NHS: variants seen among roughly 807,000 people sequenced by gnomAD.
NHS encodes NHS actin remodeling regulator.
In NHS, 5 loss-of-function variants were observed where a neutral mutation model predicts 72.5. The observed-to-expected ratio is 0.07, with a 90% confidence interval of 0.04 to 0.14. The LOEUF is 0.14. Ranked by LOEUF, NHS falls within the 10% of genes least tolerant of loss-of-function variation. NHS has a pLI of 1.00. For missense variants in NHS, 1,072 were observed against 1,355.7 expected (o/e 0.79, Z 3.29); for synonymous variants, 464 against 547.7 (o/e 0.85, Z 2.13).
intron 1 of NHS, among the ~76,000 whole-genome samples, chrX:17,391,327 G>A (rs1041068021): frequency 9.0e-6 from 1 of 111,412 alleles, no homozygotes; most frequent in African/African-American, 3.3e-5. Flanking sequence ...GTGTGACCTT[G>A]GACAAATTCT....
intron 1 of NHS, among the ~76,000 whole-genome samples, chrX:17,467,169 T>A (rs1024257582): frequency 3.6e-5 from 4 of 111,866 alleles, no homozygotes; most frequent in African/African-American, 1.3e-4. Flanking sequence ...TAAAATTACC[T>A]TTTCTTCTAC....
chrX:17,544,474 C>T (rs1250249840), intron 1 of NHS, among the ~76,000 whole-genome samples: 1 of 112,158 alleles, frequency 8.9e-6, no homozygotes, highest in South Asian at 3.7e-4. Flanking sequence ...TCTCAATGAC[C>T]ATATACTATT....
At chrX:17,598,710 G>A (rs757016046) in intron 1 of NHS, among the ~76,000 whole-genome samples, 3 of 111,627 alleles carry the variant, frequency 2.7e-5, no homozygotes, top group Non-Finnish European at 5.7e-5. Flanking sequence ...TCACTGTATT[G>A]ACCCTTTCTA....
chrX:17,492,934 C>G (rs1257746569), intron 1 of NHS, among the ~76,000 whole-genome samples: 1 of 112,014 alleles, frequency 8.9e-6, no homozygotes, highest in African/African-American at 3.2e-5. Flanking sequence ...CTCCTAAATT[C>G]TAGCTTAAGT....
intron 1 of NHS, among the ~76,000 whole-genome samples, chrX:17,601,559 T>C (rs1265668398): frequency 1.8e-5 from 2 of 111,838 alleles, no homozygotes; most frequent in Non-Finnish European, 3.8e-5. Flanking sequence ...CCATCATCCT[T>C]AAAAACTTAT....
intron 1 of NHS, among the ~76,000 whole-genome samples, chrX:17,426,637 G>A (rs1471238869): frequency 8.9e-6 from 1 of 112,338 alleles, no homozygotes; most frequent in Non-Finnish European, 1.9e-5. Context: ...AAAATGTCAT[G>A]TGTTTCAAAG....
rs764706276 is a variant in NHS at position 17,404,032 on chromosome X, C to T, written c.565+27710C>T. ...ACTTGTCTTTCTGACAGACTGTTTG[C>T]TTGTGTGTGGCTGCTAATGCTGTAG... On this transcript the variant is annotated intron_variant, in intron 1 of 8. Coordinates refer to ENST00000676302, the MANE Select transcript of NHS (RefSeq NM_001291867.2). Among the ~76,000 whole-genome samples the T allele has an allele frequency of 2.7e-5, 3 of 112,384 alleles. No homozygotes were observed. In the South Asian group the frequency reaches 1.1e-3, roughly 42 times the overall value.
chrX:17,654,150 T>C (rs1453033803), intron 1 of NHS, among the ~76,000 whole-genome samples: 2 of 112,110 alleles, frequency 1.8e-5, no homozygotes, highest in East Asian at 2.8e-4. Flanking sequence ...TAAAACTCTT[T>C]CGTCCATCCC....
chrX:17,475,952 T>A (rs972388952), intron 1 of NHS, among the ~76,000 whole-genome samples: 2 of 111,774 alleles, frequency 1.8e-5, no homozygotes, highest in Admixed American at 9.5e-5. Flanking sequence ...CCCTGCTACA[T>A]GTCATGCCCG....
At chrX:17,556,460 C>T (rs2065374004) in intron 1 of NHS, among the ~76,000 whole-genome samples, 6 of 104,099 alleles carry the variant, frequency 5.8e-5, no homozygotes. Flanking sequence ...AAGTCCATCA[C>T]AAAGATGATT....
At chrX:17,517,317 G>C (rs2146934282) in intron 1 of NHS, among the ~76,000 whole-genome samples, 1 of 112,045 alleles carries the variant, frequency 8.9e-6, no homozygotes, top group East Asian at 2.8e-4. Flanking sequence ...AGTCACTGAG[G>C]AGTTTGTTGT....
In NHS at chrX:17,635,668, G is replaced by T. The variant is rs113112459; in HGVS notation, c.566-52074G>T. The T allele has an allele frequency of 3.0e-3, 3,112 of 1,028,893 alleles. 60 individuals are homozygous for T. In the African/African-American group the frequency reaches 0.049, roughly 16 times the overall value. 84.8% of individuals were successfully genotyped at this position (1,028,893 alleles called of 1,213,427 possible). A position where few individuals can be genotyped will look rare whatever the true frequency, so the allele number is the denominator to read the frequency against. ...GGGGAGGCTGGGTCTAACGAAGAGGGGCTTGTGCTGTAGCCACTTCCTATT... is the reference window on the plus strand; with the variant it reads ...GGGGAGGCTGGGTCTAACGAAGAGGTGCTTGTGCTGTAGCCACTTCCTATT... On this transcript the variant is annotated intron_variant, in intron 1 of 8. Coordinates refer to ENST00000676302, the MANE Select transcript of NHS (RefSeq NM_001291867.2).
chrX:17,623,207 C>T (rs910747743), intron 1 of NHS, among the ~76,000 whole-genome samples: 8 of 112,126 alleles, frequency 7.1e-5, no homozygotes, highest in Non-Finnish European at 1.3e-4. Flanking sequence ...CCAAAGTGCT[C>T]GGATTATAGG....
chrX:17,432,209 A>G (rs2064697492), intron 1 of NHS, among the ~76,000 whole-genome samples: 1 of 112,405 alleles, frequency 8.9e-6, no homozygotes, highest in East Asian at 2.8e-4. Flanking sequence ...GGTTGTTGGG[A>G]GGATTAAATA....
intron 1 of NHS, among the ~76,000 whole-genome samples, chrX:17,480,891 A>G (rs1282439937): frequency 9.0e-6 from 1 of 111,063 alleles, no homozygotes; most frequent in Non-Finnish European, 1.9e-5. Flanking sequence ...TAATATATAT[A>G]CTCTAACATG....
intron 1 of NHS, among the ~76,000 whole-genome samples, chrX:17,378,059 C>CGTGTGTGTGTGTGTGTGTGTGTGT (rs34807039): frequency 0.026 from 2,632 of 100,949 alleles, 52 homozygotes; most frequent in African/African-American, 0.055. Flanking sequence ...ATACATTTCC[C>CGTGTGTGTGTGTGTGTGTGTGTGT]GTGTGTGTGT....
At chrX:17,629,326 T>A (rs181897504) in intron 1 of NHS, among the ~76,000 whole-genome samples, 1 of 112,135 alleles carries the variant, frequency 8.9e-6, no homozygotes, top group Admixed American at 9.5e-5. Context: ...ATTGTTCTCT[T>A]TTTTGCAGCA....
intron 1 of NHS, among the ~76,000 whole-genome samples, chrX:17,388,516 G>C (rs769515461): frequency 9.0e-6 from 1 of 110,675 alleles, no homozygotes; most frequent in South Asian, 3.9e-4. Flanking sequence ...AACAGAGCTA[G>C]TGCAAAGGCC....
chrX:17,526,424 G>T (rs745576895), intron 1 of NHS, among the ~76,000 whole-genome samples: 1 of 112,516 alleles, frequency 8.9e-6, no homozygotes, highest in Non-Finnish European at 1.9e-5. Context: ...GGTGATCACG[G>T]AATTCTGAGC....
Sources: allele counts gnomAD v4.1 joint callset (sites outside exome capture counted in the v4.1 genomes callset), GRCh38; gene constraint gnomAD v4.1.1; transcripts MANE v1.5; gene names NCBI Gene and HGNC (gene_info 2026-07-23, HGNC 2026-07-21).